The following MECOM variants were observed in gnomAD, a reference collection of about 807,000 sequenced individuals.
The protein encoded by MECOM is MDS1 and EVI1 complex locus.
Under a neutral mutation model 116.3 loss-of-function variants are expected in MECOM, and 13 were observed. That is an observed-to-expected ratio of 0.11 (90% confidence interval 0.07 to 0.18). The LOEUF is 0.18. Among genes scored for constraint, MECOM ranks in the 10% least tolerant of loss-of-function variants. MECOM has a pLI of 1.00. For missense variants in MECOM, 1,299 were observed against 1,509.0 expected (o/e 0.86, Z 2.31); for synonymous variants, 528 against 535.2 (o/e 0.99, Z 0.19).
chr3:169,385,357 C>T (rs1733150051), intron 1 of MECOM, among the ~76,000 whole-genome samples: 4 of 152,078 alleles, frequency 2.6e-5, no homozygotes, highest in Non-Finnish European at 5.9e-5. Flanking sequence ...TAAAGAACAA[C>T]TTACATAGGT....
chr3:169,522,392 T>A (rs1285244915), intron 1 of MECOM, among the ~76,000 whole-genome samples: 6 of 152,200 alleles, frequency 3.9e-5, no homozygotes, highest in Non-Finnish European at 8.8e-5. Context: ...TTTGGAGGCA[T>A]GTGGAGTTAA....
rs547443902 is a variant in MECOM, at chr3:169,311,903, T to C, written c.375+69284A>G. The stretch of plus-strand genomic sequence containing the variant: ...GTGGTTTAAGATGCAATGTTCACAT[T>C]TTAAAAAATAATAACCCAAAGGCCT... On this transcript the variant is annotated intron_variant, in intron 2 of 16. Transcript: ENST00000651503. Among the ~76,000 whole-genome samples the C allele has an allele frequency of 3.9e-5, 6 of 152,290 alleles. No homozygotes were observed. In the South Asian group the frequency reaches 1.2e-3, roughly 32 times the overall value.
intron 2 of MECOM, among the ~76,000 whole-genome samples, chr3:169,191,385 G>A (rs762865301): frequency 7.2e-5 from 11 of 151,946 alleles, no homozygotes; most frequent in Non-Finnish European, 1.3e-4. Flanking sequence ...AGAGGACCAA[G>A]AGGGTATATA....
rs984043557 is a variant in MECOM at position 169,232,371 on chromosome 3, A to G, written c.376-88539T>C. On this transcript the variant is annotated intron_variant, in intron 2 of 16. Coordinates refer to ENST00000651503, the MANE Select transcript of MECOM (RefSeq NM_004991.4). Reference sequence around the variant, plus strand: ...TATTTGCTGTTCTTCCAAGCATGATATAAGCAAACCACAAAAAAAGCTTTT... The same window carrying G: ...TATTTGCTGTTCTTCCAAGCATGATGTAAGCAAACCACAAAAAAAGCTTTT... Among the ~76,000 whole-genome samples the G allele has an allele frequency of 2.6e-5, 4 of 152,226 alleles. No individual in the cohort carries two copies. In the East Asian group the frequency reaches 7.7e-4, roughly 29 times the overall value.
intron 2 of MECOM, among the ~76,000 whole-genome samples, chr3:169,160,793 A>G (rs1349684757): frequency 6.6e-6 from 1 of 152,070 alleles, no homozygotes; most frequent in Admixed American, 6.5e-5. Flanking sequence ...CATGTACCCC[A>G]TAAATACATA....
At chr3:169,091,549 C>T (rs1015519696) in intron 14 of MECOM, among the ~76,000 whole-genome samples, 5 of 152,026 alleles carry the variant, frequency 3.3e-5, no homozygotes, top group African/African-American at 7.2e-5. Context: ...AGTATAAGAT[C>T]GTCACTGTTT....
intron 2 of MECOM, among the ~76,000 whole-genome samples, chr3:169,337,928 T>C (rs908062705): frequency 3.3e-5 from 5 of 152,226 alleles, no homozygotes; most frequent in Non-Finnish European, 5.9e-5. Flanking sequence ...ATAGCCTATC[T>C]GTCCTTTGTG....
At chr3:169,155,660 CT>C (rs1289920958) in intron 2 of MECOM, among the ~76,000 whole-genome samples, 1 of 152,160 alleles carries the variant, frequency 6.6e-6, no homozygotes, top group East Asian at 1.9e-4. Flanking sequence ...AATAAAGCCC[CT>C]AATCCAAAAT....
chr3:169,378,462 C>CGAGA (rs1731599291), intron 2 of MECOM, among the ~76,000 whole-genome samples: 1 of 39,196 alleles, frequency 2.6e-5, no homozygotes, highest in Admixed American at 3.1e-4. Context: ...GGAAAGCAAG[C>CGAGA]AAGCAAGCAA....
intron 2 of MECOM, among the ~76,000 whole-genome samples, chr3:169,259,203 T>A (rs1029745896): frequency 1.3e-5 from 2 of 152,120 alleles, no homozygotes; most frequent in African/African-American, 4.8e-5. Flanking sequence ...TTTTTTTTTT[T>A]AAGTGTGGAT....
intron 1 of MECOM, among the ~76,000 whole-genome samples, chr3:169,535,585 T>C (rs1222036404): frequency 6.6e-6 from 1 of 152,190 alleles, no homozygotes; most frequent in Admixed American, 6.5e-5. Context: ...CCTAGCCTTG[T>C]GGCATCCCCT....
At chr3:169,363,300 T>C (rs1012210266) in intron 2 of MECOM, among the ~76,000 whole-genome samples, 1 of 152,022 alleles carries the variant, frequency 6.6e-6, no homozygotes, top group African/African-American at 2.4e-5. Context: ...TTGAATTAAA[T>C]GATAAATATA....
chr3:169,284,278 G>A lies in MECOM; in HGVS notation c.375+96909C>T, dbSNP rs76302851. On this transcript the variant is annotated intron_variant, in intron 2 of 16. Transcript: ENST00000651503. ...CATCTGGCATGTATAATTACCTTTC[G>A]GAAACCACGGGGTCACATTCTAGCA... Among the ~76,000 whole-genome samples the A allele has an allele frequency of 5.8e-3, 885 of 152,224 alleles. 6 individuals carry two copies. The highest frequency in any genetic ancestry group is 0.02 in the African/African-American group (828 of 41,526).
chr3:169,351,635 C>T lies in MECOM; in HGVS notation c.375+29552G>A, dbSNP rs1158669916. ...TTTTGTTAATAATATTCAAATGTAT[C>T]CCTTATTAAAATATGTAATCTTATT... On this transcript the variant is annotated intron_variant, in intron 2 of 16. Coordinates refer to ENST00000651503, the MANE Select transcript of MECOM (RefSeq NM_004991.4). 3.3e-5 allele frequency among the ~76,000 whole-genome samples: 5 copies of T among 151,676 alleles called. No homozygotes were observed. In the East Asian group the frequency reaches 9.7e-4, roughly 29 times the overall value.
intron 12 of MECOM, among the ~76,000 whole-genome samples, chr3:169,097,252 T>A (rs1383696920): frequency 1.3e-5 from 2 of 152,120 alleles, no homozygotes; most frequent in East Asian, 3.8e-4. Context: ...CCAAATCTAG[T>A]AAGCACCATC....
chr3:169,196,921 A>T (rs561761072), intron 2 of MECOM, among the ~76,000 whole-genome samples: 4 of 152,078 alleles, frequency 2.6e-5, no homozygotes, highest in Non-Finnish European at 5.9e-5. Flanking sequence ...CTAAATGCTC[A>T]TCAACAGTGG....
chr3:169,456,788 C>G (rs532233891), intron 1 of MECOM, among the ~76,000 whole-genome samples: 1 of 152,128 alleles, frequency 6.6e-6, no homozygotes, highest in Non-Finnish European at 1.5e-5. Flanking sequence ...CATAATACTA[C>G]GCACTGAAAG....
chr3:169,497,222 T>C lies in MECOM; in HGVS notation c.38-115698A>G, dbSNP rs145784043. 7.9e-5 allele frequency among the ~76,000 whole-genome samples: 12 copies of C among 152,306 alleles called. No homozygotes were observed. In the East Asian group the frequency reaches 2.3e-3, roughly 29 times the overall value. On this transcript the variant is annotated intron_variant, in intron 1 of 16. Coordinates refer to ENST00000651503, the MANE Select transcript of MECOM (RefSeq NM_004991.4). Reference sequence around the variant, plus strand: ...CAAGTCCTGCTTATTCTTACCTTATTATATTGTTCTTTCTATCCCTATTGC... The same window carrying C: ...CAAGTCCTGCTTATTCTTACCTTATCATATTGTTCTTTCTATCCCTATTGC...
chr3:169,384,701 T>C (rs532648041), intron 1 of MECOM, among the ~76,000 whole-genome samples: 2 of 152,268 alleles, frequency 1.3e-5, no homozygotes, highest in South Asian at 2.1e-4. Flanking sequence ...CCAAAATAAA[T>C]AGAACAATAT....
Sources: allele counts gnomAD v4.1 joint callset (sites outside exome capture counted in the v4.1 genomes callset), GRCh38; gene constraint gnomAD v4.1.1; transcripts MANE v1.5; gene names NCBI Gene and HGNC (gene_info 2026-07-23, HGNC 2026-07-21).